The following CDH7 variants were observed in gnomAD, a reference collection of about 807,000 sequenced individuals.
CDH7 encodes cadherin 7.
CDH7 carries 25 observed loss-of-function variants against 71.8 expected under a neutral mutation model. The observed-to-expected ratio is 0.35, with a 90% CI of 0.25 to 0.49. The LOEUF is 0.49. Ranked by LOEUF, CDH7 falls within the 20% of genes least tolerant of loss-of-function variation. The pLI, the probability that CDH7 is intolerant of heterozygous loss-of-function variation, is 0.99. For synonymous variants in CDH7, 381 were observed against 363.8 expected (o/e 1.05, Z -0.54); for missense variants, 862 against 974.6 (o/e 0.88, Z 1.54).
chr18:65,888,800 A>G lies in CDH7; in HGVS notation c.*7906A>G, dbSNP rs1311542790. ...ACGAAGTAAATGGTAGAAATGAAAG[A>G]AGAAGAAGAAGAAAAAAACATTGGG... On this transcript the variant is annotated 3_prime_UTR_variant, in exon 12 of 12. Transcript: ENST00000397968. 2 of 151,744 alleles carry G rather than the reference A, an allele frequency of 1.3e-5. No individual in the cohort carries two copies. Among genetic ancestry groups the G allele is most frequent in the African/African-American group, 2.4e-5 (1 of 41,340 alleles). 9.4% of individuals were successfully genotyped at this position (151,744 alleles called of 1,614,324 possible).
At chr18:65,757,028 A>G (rs1368614534) in intron 1 of CDH7, among the ~76,000 whole-genome samples, 1 of 147,462 alleles carries the variant, frequency 6.8e-6, no homozygotes, top group Non-Finnish European at 1.5e-5. Context: ...AGTAATTGAT[A>G]TGCTAATGCA....
chr18:65,764,550 T>A (rs1916297378), intron 2 of CDH7, among the ~76,000 whole-genome samples: 1 of 152,160 alleles, frequency 6.6e-6, no homozygotes, highest in South Asian at 2.1e-4. Flanking sequence ...GTAACCGTAA[T>A]GATTAGGATT....
At chr18:65,782,990 A>C (rs1427246177) in intron 2 of CDH7, among the ~76,000 whole-genome samples, 1 of 152,206 alleles carries the variant, frequency 6.6e-6, no homozygotes, top group Admixed American at 6.5e-5. Context: ...ACTGTTTACA[A>C]CATGGAAGCA....
At chr18:65,767,476 T>C (rs895180520) in intron 2 of CDH7, among the ~76,000 whole-genome samples, 1 of 152,158 alleles carries the variant, frequency 6.6e-6, no homozygotes, top group Non-Finnish European at 1.5e-5. Flanking sequence ...AGAAAGAGCA[T>C]AGTCATCATA....
chr18:65,838,886 G>A (rs1209402617), intron 6 of CDH7, among the ~76,000 whole-genome samples: 1 of 152,158 alleles, frequency 6.6e-6, no homozygotes, highest in Non-Finnish European at 1.5e-5. Flanking sequence ...TGAGAAACAC[G>A]TACTCTTTAC....
intron 6 of CDH7, among the ~76,000 whole-genome samples, chr18:65,831,265 C>A (rs576235889): frequency 6.6e-6 from 1 of 152,232 alleles, no homozygotes; most frequent in South Asian, 2.1e-4. Flanking sequence ...TGGGCTTAAT[C>A]TAACCATGGA....
chr18:65,858,025 A>G, intron 8 of CDH7, 73 bp downstream of exon 8: 5 of 1,408,752 alleles, frequency 3.5e-6, no homozygotes, highest in African/African-American at 1.4e-5. Context: ...TGAGGTTGTA[A>G]ATTCAAGTTA....
chr18:65,864,711 A>G (rs1415019078), intron 11 of CDH7, among the ~76,000 whole-genome samples: 1 of 150,222 alleles, frequency 6.7e-6, no homozygotes, highest in Non-Finnish European at 1.5e-5. Flanking sequence ...ACACGGTGAA[A>G]CCCTGTCTCT....
At chr18:65,781,919 TC>T (rs1910258194) in intron 2 of CDH7, among the ~76,000 whole-genome samples, 1 of 108,422 alleles carries the variant, frequency 9.2e-6, no homozygotes, top group Non-Finnish European at 1.8e-5. Flanking sequence ...TCTCTTTCTC[TC>T]TTTCTCTCTC....
chr18:65,864,378 TTTTG>T (rs1412055472), intron 11 of CDH7, among the ~76,000 whole-genome samples: 42 of 151,920 alleles, frequency 2.8e-4, no homozygotes, highest in African/African-American at 8.0e-4. Flanking sequence ...TTTTGCGGTT[TTTTG>T]TTTGTTTGTT....
At chr18:65,827,853 A>G (rs879589109) in intron 6 of CDH7, among the ~76,000 whole-genome samples, 1 of 151,960 alleles carries the variant, frequency 6.6e-6, no homozygotes, top group African/African-American at 2.4e-5. Context: ...AAGACGAGAT[A>G]TCTGAAATTT....
chr18:65,826,775 A>G (rs961669259), intron 6 of CDH7, among the ~76,000 whole-genome samples: 3 of 151,574 alleles, frequency 2.0e-5, no homozygotes, highest in East Asian at 1.9e-4. Context: ...AATCTCATTA[A>G]AAACACTGTA....
At chr18:65,757,019 G>A (rs1295460244) in intron 1 of CDH7, among the ~76,000 whole-genome samples, 2 of 150,218 alleles carry the variant, frequency 1.3e-5, no homozygotes, top group Non-Finnish European at 3.0e-5. Flanking sequence ...TTGCTGATTA[G>A]TAATTGATAT....
intron 11 of CDH7, chr18:65,863,547 A>T (rs1050665532): frequency 1.3e-5 from 2 of 152,738 alleles, no homozygotes; most frequent in Admixed American, 6.5e-5. Flanking sequence ...TACAGAGGAG[A>T]TACACTAGAC....
At chr18:65,842,207 G>A (rs1169942405) in intron 6 of CDH7, among the ~76,000 whole-genome samples, 2 of 151,916 alleles carry the variant, frequency 1.3e-5, no homozygotes, top group Non-Finnish European at 2.9e-5. Context: ...AAGAAAAGGA[G>A]GCTCAAGAAT....
chr18:65,815,455 G>A (rs925649271), intron 4 of CDH7, among the ~76,000 whole-genome samples: 6 of 152,126 alleles, frequency 3.9e-5, no homozygotes, highest in African/African-American at 1.4e-4. Context: ...ATCAGTACCT[G>A]TAATCCTAAA....
At chr18:65,767,829 A>G (rs895264539) in intron 2 of CDH7, among the ~76,000 whole-genome samples, 2 of 152,232 alleles carry the variant, frequency 1.3e-5, no homozygotes, top group African/African-American at 4.8e-5. Context: ...CAATAAGCAA[A>G]TACATTGTTA....
At chr18:65,838,439 AC>A (rs1432111269) in intron 6 of CDH7, among the ~76,000 whole-genome samples, 1 of 152,218 alleles carries the variant, frequency 6.6e-6, no homozygotes, top group African/African-American at 2.4e-5. Context: ...CAGTCATAGA[AC>A]TTTTGAACAA....
Position 65,864,990 on chromosome 18 carries a change from T to TGTG in CDH7, c.1864+2075_1864+2077dup, listed in dbSNP as rs574442462. 2.1e-3 allele frequency among the ~76,000 whole-genome samples: 317 copies of TGTG among 151,954 alleles called. 2 individuals carry two copies. The highest frequency in any genetic ancestry group is 3.6e-3 in the Non-Finnish European group (245 of 67,952). ...ATAATGAGAGGATAAGTAGATGATG[T>TGTG]GTGGAAGACTTTTTAAGTTTGGTCA... On this transcript the variant is annotated intron_variant, in intron 11 of 11. Transcript: ENST00000397968.
Sources: gnomAD v4.1 joint callset for allele counts (sites outside exome capture counted in the v4.1 genomes callset) on GRCh38, gnomAD v4.1.1 for gene constraint, MANE v1.5 for transcripts, NCBI Gene and HGNC (gene_info 2026-07-23, HGNC 2026-07-21) for gene names.